The following DGKB variants were observed in gnomAD, a reference collection of about 807,000 sequenced individuals.
DGKB encodes the protein 90 kDa diacylglycerol kinase.
DGKB carries 67 observed loss-of-function variants against 114.3 expected under a neutral mutation model. The ratio of observed to expected loss-of-function variants is 0.59; its 90% CI spans 0.48 to 0.72. The LOEUF (loss-of-function observed/expected upper bound fraction) is 0.72, where lower values mean the gene tolerates loss of function less well. Among genes scored for constraint, DGKB ranks in the 30% least tolerant of loss-of-function variants. The pLI is 0.00. For missense variants in DGKB, 907 were observed against 975.2 expected (o/e 0.93, Z 0.93); for synonymous variants, 398 against 323.1 (o/e 1.23, Z -2.49).
At chr7:14,173,411 A>G (rs1413120276) in intron 25 of DGKB, among the ~76,000 whole-genome samples, 1 of 152,198 alleles carries the variant, frequency 6.6e-6, no homozygotes, top group East Asian at 1.9e-4. Flanking sequence ...AAGTGCAATC[A>G]CATTGTTGTG....
chr7:14,935,534 TA>T, intron 1 of DGKB, among the ~76,000 whole-genome samples: 1 of 152,272 alleles, frequency 6.6e-6, no homozygotes, highest in Non-Finnish European at 1.5e-5. Context: ...ATAGTAATCA[TA>T]AATAGCAGCA....
chr7:14,773,203 A>T (rs1479157249), intron 2 of DGKB, among the ~76,000 whole-genome samples: 1 of 152,172 alleles, frequency 6.6e-6, no homozygotes, highest in African/African-American at 2.4e-5. Flanking sequence ...TGATTAAATA[A>T]TTGATACTTT....
intron 1 of DGKB, among the ~76,000 whole-genome samples, chr7:14,923,136 C>G (rs1405238890): frequency 6.6e-6 from 1 of 152,142 alleles, no homozygotes; most frequent in Non-Finnish European, 1.5e-5. Flanking sequence ...TCTGATATTG[C>G]TATTGAGTCA....
At chr7:14,879,383 A>G (rs531903283) in intron 1 of DGKB, among the ~76,000 whole-genome samples, 3 of 152,170 alleles carry the variant, frequency 2.0e-5, no homozygotes, top group Non-Finnish European at 4.4e-5. Context: ...GACTGTTTCT[A>G]TCACTTCAGA....
intron 6 of DGKB, 25 bp downstream of exon 6, chr7:14,718,517 G>A: frequency 1.3e-6 from 2 of 1,593,256 alleles, no homozygotes; most frequent in East Asian, 2.3e-5. Flanking sequence ...ATCACGATAA[G>A]TAAACAAAAT....
At position 14,462,275 on chromosome 7, in the gene DGKB, G is replaced by C. The variant is rs181254629; in HGVS notation, c.1835+15886C>G. Among the ~76,000 whole-genome samples the C allele has an allele frequency of 3.7e-3, 570 of 152,228 alleles. 4 individuals carry two copies. The highest frequency in any genetic ancestry group is 0.013 in the African/African-American group (543 of 41,532). Reference sequence around the variant, plus strand: ...GGCCAGGGCAATCAGGCAAGAGAAAGAAATAAAGGGTATTCAAATAGGAAG... The same window carrying C: ...GGCCAGGGCAATCAGGCAAGAGAAACAAATAAAGGGTATTCAAATAGGAAG... On this transcript the variant is annotated intron_variant, in intron 21 of 25. Transcript: ENST00000402815.
intron 2 of DGKB, among the ~76,000 whole-genome samples, chr7:14,820,923 G>C (rs1296909228): frequency 3.3e-5 from 5 of 152,128 alleles, no homozygotes; most frequent in Non-Finnish European, 5.9e-5. Context: ...AAATTTCATA[G>C]TTATTATCTT....
At chr7:14,721,291 C>A (rs943085866) in intron 5 of DGKB, among the ~76,000 whole-genome samples, 6 of 152,152 alleles carry the variant, frequency 3.9e-5, no homozygotes, top group Non-Finnish European at 8.8e-5. Context: ...ATACTGAACA[C>A]AAACAATTGA....
rs1177870951 is a variant in DGKB at position 14,148,599 on chromosome 7, T to G, written c.*532A>C. Reference sequence around the variant, plus strand: ...AGATGTTGAAGAAAAACTATGTATATATAGCAAGGTATTGTAGTCAACTAT... The same window carrying G: ...AGATGTTGAAGAAAAACTATGTATAGATAGCAAGGTATTGTAGTCAACTAT... On this transcript the variant is annotated 3_prime_UTR_variant, in exon 26 of 26. Transcript: ENST00000402815. 1 of 153,546 alleles carries G rather than the reference T, an allele frequency of 6.5e-6. No homozygotes were observed. The highest frequency in any genetic ancestry group is 2.4e-5 in the African/African-American group (1 of 41,476). The allele number at this position is 153,546 out of a possible 1,614,324, so 9.5% of individuals were successfully genotyped here.
chr7:14,861,718 C>G (rs1396947978), intron 1 of DGKB, among the ~76,000 whole-genome samples: 4 of 151,892 alleles, frequency 2.6e-5, no homozygotes, highest in African/African-American at 9.7e-5. Context: ...AAATCATACT[C>G]TATTTATTTG....
chr7:14,752,109 GTCAGACTCC>G (rs1834214074), intron 4 of DGKB, among the ~76,000 whole-genome samples: 1 of 152,078 alleles, frequency 6.6e-6, no homozygotes, highest in Non-Finnish European at 1.5e-5. Flanking sequence ...ATTCGGTTCA[GTCAGACTCC>G]TCAGACCATA....
rs564363235 is a variant in DGKB at position 14,147,541 on chromosome 7, G to T, written c.*1590C>A. The T allele has an allele frequency of 1.3e-5, 2 of 152,174 alleles. No individual in the cohort carries two copies. Among genetic ancestry groups the T allele is most frequent in the East Asian group, 3.9e-4 (2 of 5,166 alleles). 9.4% of individuals were successfully genotyped at this position (152,174 alleles called of 1,614,324 possible). On this transcript the variant is annotated 3_prime_UTR_variant, in exon 26 of 26. Transcript: ENST00000402815. ...TTGAAATCCATAAATCCATGCACAG[G>T]ATTGTGTTCAACAGAATCACTAAAT... is the stretch of plus-strand genomic sequence containing the variant.
chr7:14,687,101 T>C (rs1821839921), intron 9 of DGKB, among the ~76,000 whole-genome samples: 1 of 152,164 alleles, frequency 6.6e-6, no homozygotes, highest in African/African-American at 2.4e-5. Context: ...CAATCATCAA[T>C]TGGGTCCCAC....
intron 23 of DGKB, among the ~76,000 whole-genome samples, chr7:14,202,930 G>A (rs1786126952): frequency 6.6e-6 from 1 of 151,778 alleles, no homozygotes; most frequent in African/African-American, 2.4e-5. Context: ...TAATGCTGAA[G>A]AGGCACATTA....
chr7:14,647,998 C>A (rs1365209713), intron 13 of DGKB, among the ~76,000 whole-genome samples: 2 of 152,222 alleles, frequency 1.3e-5, no homozygotes, highest in African/African-American at 4.8e-5. Flanking sequence ...GGTCCTACGC[C>A]CACGGAGTCT....
intron 20 of DGKB, among the ~76,000 whole-genome samples, chr7:14,496,122 A>T (rs1026097307): frequency 7.2e-5 from 11 of 151,856 alleles, no homozygotes; most frequent in Non-Finnish European, 1.0e-4. Context: ...TTGCATTTTT[A>T]AAAAATTTAC....
At chr7:14,153,641 C>T (rs1782554414) in intron 25 of DGKB, among the ~76,000 whole-genome samples, 1 of 151,992 alleles carries the variant, frequency 6.6e-6, no homozygotes, top group Admixed American at 6.6e-5. Context: ...GAGAGCATTC[C>T]CTCTCTTTTT....
intron 16 of DGKB, among the ~76,000 whole-genome samples, chr7:14,609,112 C>G (rs574283199): frequency 1.3e-5 from 2 of 151,918 alleles, no homozygotes; most frequent in Non-Finnish European, 2.9e-5. Flanking sequence ...CCAAAGCAAG[C>G]CTAAGCTAAA....
intron 20 of DGKB, among the ~76,000 whole-genome samples, chr7:14,563,879 A>T (rs1797025980): frequency 6.6e-6 from 1 of 152,164 alleles, no homozygotes; most frequent in East Asian, 1.9e-4. Flanking sequence ...AGAGAAAAGC[A>T]AGCTGCTGTA....
Sources: gnomAD v4.1 joint callset for allele counts (sites outside exome capture counted in the v4.1 genomes callset) on GRCh38, gnomAD v4.1.1 for gene constraint, MANE v1.5 for transcripts, NCBI Gene and HGNC (gene_info 2026-07-23, HGNC 2026-07-21) for gene names.